The following TMEM132E variants were observed in gnomAD, a reference collection of about 807,000 sequenced individuals.
The protein encoded by TMEM132E is transmembrane protein 132E.
A neutral mutation model predicts 78.5 loss-of-function variants in TMEM132E; 49 were observed. That is an observed-to-expected ratio of 0.62 (90% CI 0.50 to 0.79). The LOEUF is 0.79. Ranked by LOEUF, TMEM132E falls within the 30% of genes least tolerant of loss-of-function variation. The pLI is 0.00. For synonymous variants in TMEM132E, 715 were observed against 670.6 expected (o/e 1.07, Z -1.02); for missense variants, 1,403 against 1,470.9 (o/e 0.95, Z 0.75).
intron 1 of TMEM132E, among the ~76,000 whole-genome samples, chr17:34,619,117 C>T (rs1337287395): frequency 6.6e-6 from 1 of 152,246 alleles, no homozygotes; most frequent in Non-Finnish European, 1.5e-5. Context: ...TTTCTGGCCT[C>T]TTCATCATGG....
chr17:34,609,015 T>C (rs1906506402), intron 1 of TMEM132E, among the ~76,000 whole-genome samples: 1 of 152,220 alleles, frequency 6.6e-6, no homozygotes, highest in Non-Finnish European at 1.5e-5. Context: ...CTCAGATTCC[T>C]TGGCATGAGA....
intron 1 of TMEM132E, among the ~76,000 whole-genome samples, chr17:34,604,527 C>T (rs1906347174): frequency 6.6e-6 from 1 of 151,942 alleles, no homozygotes; most frequent in South Asian, 2.1e-4. Flanking sequence ...TGCCTGTTCT[C>T]CTGTGTCATC....
chr17:34,603,071 G>C (rs1435486917), intron 1 of TMEM132E, among the ~76,000 whole-genome samples: 1 of 152,158 alleles, frequency 6.6e-6, no homozygotes, highest in Non-Finnish European at 1.5e-5. Context: ...ACAGGAAGGG[G>C]GTCATCTTCT....
intron 1 of TMEM132E, among the ~76,000 whole-genome samples, chr17:34,591,857 C>T (rs1905879307): frequency 6.6e-6 from 1 of 152,242 alleles, no homozygotes; most frequent in Non-Finnish European, 1.5e-5. Context: ...TTGCTGACAT[C>T]TCCCTGAGCC....
chr17:34,585,128 G>A (rs527609310), intron 1 of TMEM132E, among the ~76,000 whole-genome samples: 4 of 152,326 alleles, frequency 2.6e-5, no homozygotes, highest in South Asian at 2.1e-4. Context: ...ACATGCAGCC[G>A]TATTCACAAC....
At chr17:34,611,964 C>G (rs1384524183) in intron 1 of TMEM132E, among the ~76,000 whole-genome samples, 1 of 152,144 alleles carries the variant, frequency 6.6e-6, no homozygotes, top group East Asian at 1.9e-4. Flanking sequence ...CCCAGTTGGC[C>G]TGGGACCGAG....
intron 1 of TMEM132E, among the ~76,000 whole-genome samples, chr17:34,602,179 G>A (rs1906263436): frequency 6.6e-6 from 1 of 152,272 alleles, no homozygotes; most frequent in African/African-American, 2.4e-5. Flanking sequence ...GAGAGAGACA[G>A]CTGCCTCCGC....
chr17:34,621,674 G>T (rs1438768165), intron 1 of TMEM132E, among the ~76,000 whole-genome samples: 2 of 152,184 alleles, frequency 1.3e-5, no homozygotes, highest in Non-Finnish European at 2.9e-5. Context: ...CAGGAAGGCA[G>T]CAGGCAAACT....
chr17:34,595,910 C>G (rs1906042163), intron 1 of TMEM132E, among the ~76,000 whole-genome samples: 1 of 152,200 alleles, frequency 6.6e-6, no homozygotes, highest in South Asian at 2.1e-4. Flanking sequence ...GATTCCATCT[C>G]CAATAATCAC....
At chr17:34,620,942 G>T (rs2142074781) in intron 1 of TMEM132E, among the ~76,000 whole-genome samples, 1 of 152,274 alleles carries the variant, frequency 6.6e-6, no homozygotes, top group Admixed American at 6.5e-5. Flanking sequence ...TGTCTTTTTG[G>T]GTTGTGAGAA....
intron 7 of TMEM132E, 133 bp downstream of exon 7, chr17:34,635,220 T>C (rs1907482339): frequency 9.2e-7 from 1 of 1,082,208 alleles, no homozygotes; most frequent in Non-Finnish European, 1.3e-6. Context: ...TTGTCTGAAA[T>C]TCCAAGGTCA....
chr17:34,584,941 C>A (rs558424853), intron 1 of TMEM132E, among the ~76,000 whole-genome samples: 4 of 152,320 alleles, frequency 2.6e-5, no homozygotes, highest in Admixed American at 1.3e-4. Context: ...GTTTCTCCTG[C>A]GGGTTGTGTC....
intron 1 of TMEM132E, among the ~76,000 whole-genome samples, chr17:34,596,826 G>A (rs1159026185): frequency 8.8e-6 from 1 of 113,914 alleles, no homozygotes; most frequent in Non-Finnish European, 1.7e-5. Flanking sequence ...GCCCCTAAAT[G>A]ATTTCTGTAA....
chr17:34,635,057 A>G lies in TMEM132E; in HGVS notation c.1947A>G (p.Ala649=), dbSNP rs746896935. Residue 649 remains alanine, a synonymous_variant, in exon 7 of 9, where the codon GCA becomes GCG. Transcript: ENST00000631683. The part of the protein sequence containing the change: ...VAHMVDSSTL[A]GLEPGTTPFK... ...ACATGGTGGACAGCAGCACGCTGGC[A>G]GGACTGGAGCCAGGCACCACCCCCT... The G allele has an allele frequency of 2.5e-6, 4 of 1,613,890 alleles. No individual in the cohort carries two copies. Among genetic ancestry groups the G allele is most frequent in the Non-Finnish European group, 3.4e-6 (4 of 1,179,900 alleles).
At chr17:34,606,367 A>G (rs954640349) in intron 1 of TMEM132E, among the ~76,000 whole-genome samples, 7 of 152,216 alleles carry the variant, frequency 4.6e-5, no homozygotes, top group Admixed American at 3.9e-4. Context: ...ATAAACAAAA[A>G]TAAAAGATTG....
intron 1 of TMEM132E, among the ~76,000 whole-genome samples, chr17:34,612,429 C>G (rs1906623264): frequency 6.6e-6 from 1 of 152,194 alleles, no homozygotes; most frequent in South Asian, 2.1e-4. Context: ...CAGCAGGGGC[C>G]TTGGCTTATG....
intron 1 of TMEM132E, among the ~76,000 whole-genome samples, chr17:34,595,452 C>G (rs1044407397): frequency 6.6e-6 from 1 of 152,158 alleles, no homozygotes; most frequent in Non-Finnish European, 1.5e-5. Flanking sequence ...TATAGGGTGC[C>G]CTGCATACAG....
In TMEM132E at chr17:34,632,666, G is replaced by T. The variant is rs751675280; in HGVS notation, c.1483-38G>T. On this transcript the variant is annotated intron_variant, in intron 5 of 8. Coordinates refer to ENST00000631683, the MANE Select transcript of TMEM132E (RefSeq NM_001304438.2). ...TCCGCACTGCCTCACAGGAAGACCT[G>T]TAGGGAAGATGTGCCAACTGTTCCT... 1.4e-5 allele frequency: 23 copies of T among 1,611,060 alleles called. 1 individual carries two copies. In the South Asian group the frequency reaches 2.2e-4, roughly 15 times the overall value.
intron 1 of TMEM132E, among the ~76,000 whole-genome samples, chr17:34,618,854 C>T (rs556336949): frequency 1.8e-4 from 28 of 152,328 alleles, no homozygotes; most frequent in African/African-American, 3.4e-4. Context: ...GGGGGAAGTA[C>T]GGCCCTGGAG....
Sources: allele counts gnomAD v4.1 joint callset (sites outside exome capture counted in the v4.1 genomes callset), GRCh38; gene constraint gnomAD v4.1.1; transcripts MANE v1.5; gene names NCBI Gene and HGNC (gene_info 2026-07-23, HGNC 2026-07-21).